CHST1: variants seen among roughly 807,000 people sequenced by gnomAD.
CHST1 encodes Keratan sulfotransferase.
CHST1 carries 10 observed loss-of-function variants against 22.5 expected under a neutral mutation model. The observed-to-expected ratio is 0.44, with a 90% confidence interval of 0.27 to 0.75. The LOEUF (loss-of-function observed/expected upper bound fraction) is 0.75, where lower values mean the gene tolerates loss of function less well. CHST1 is among the 30% of genes least tolerant of loss of function. CHST1 has a pLI of 0.15. For synonymous variants in CHST1, 267 were observed against 264.5 expected (o/e 1.01, Z -0.09); for missense variants, 439 against 576.1 (o/e 0.76, Z 2.44).
chr11:45,664,828 G>A (rs999233456), intron 1 of CHST1, among the ~76,000 whole-genome samples: 16 of 152,174 alleles, frequency 1.1e-4, no homozygotes, highest in African/African-American at 3.1e-4. Context: ...CCGCAGACCC[G>A]AGCCAGGCGG....
chr11:45,650,256 G>T lies in CHST1; in HGVS notation c.668C>A (p.Pro223Gln). The change falls in exon 4 of 4, where the codon CCG (proline) becomes CAG (glutamine). Residue 223 changes from proline (P) to glutamine (Q), a missense_variant. Coordinates refer to ENST00000308064, the MANE Select transcript of CHST1 (RefSeq NM_003654.6). ...CTGGATGACCTTGAGGTTTAATCGC[G>T]GGTCTTCCACCAGGGCGCGCAGGTC... ...VNDLRALVED[P>Q]RLNLKVIQLV... 1 of 1,607,372 alleles carries T rather than the reference G, an allele frequency of 6.2e-7. No individual in the cohort carries two copies.
rs868000177 is a variant in CHST1, at chr11:45,665,472, G to C, written c.-521C>G. ...ACCCGGGGCCGGGGCTCAGGGACCC[G>C]AGAGATGCCGGGACAGGGGCCGGGA... On this transcript the variant is annotated 5_prime_UTR_variant, in exon 1 of 4. Coordinates refer to ENST00000308064, the MANE Select transcript of CHST1 (RefSeq NM_003654.6). The surrounding 1 kb of genome is among the most constrained non-coding windows in gnomAD (Gnocchi z 4.0). 6.6e-6 allele frequency: 1 copy of C among 151,664 alleles called. No individual in the cohort carries two copies. The allele number at this position is 151,664 out of a possible 1,614,324, so 9.4% of individuals were successfully genotyped here.
chr11:45,654,722 G>A (rs1027139244), intron 1 of CHST1, among the ~76,000 whole-genome samples: 2 of 152,216 alleles, frequency 1.3e-5, no homozygotes, highest in Non-Finnish European at 2.9e-5. Flanking sequence ...GCAAACCTTG[G>A]ACACAGGAGA....
chr11:45,649,407 A>AT lies in CHST1; in HGVS notation c.*280dup, dbSNP rs1851959054. The AT allele has an allele frequency of 2.3e-6, 1 of 431,936 alleles. No homozygotes were observed. Among genetic ancestry groups the AT allele is most frequent in the African/African-American group, 2.3e-5 (1 of 42,952 alleles). The allele number at this position is 431,936 out of a possible 1,614,324, so 26.8% of individuals were successfully genotyped here. A position where few individuals can be genotyped will look rare whatever the true frequency, so the allele number is the denominator to read the frequency against. ...ATGTGTAAATGTGGTGCTTGTAAAC[A>AT]TTGTCACCGTCCGCACAGAGACCCA... is the stretch of plus-strand genomic sequence containing the variant. On this transcript the variant is annotated 3_prime_UTR_variant, in exon 4 of 4. Transcript: ENST00000308064.
chr11:45,659,637 G>A (rs1234758178), intron 1 of CHST1, among the ~76,000 whole-genome samples: 1 of 152,144 alleles, frequency 6.6e-6, no homozygotes, highest in Non-Finnish European at 1.5e-5. Context: ...GATCCCAAGT[G>A]GGTGTGGACA....
rs4148906 is a variant in CHST1 at position 45,648,527 on chromosome 11, C to CAAA, written c.*1158_*1160dup. ...GTGAAACCCCGTCTCTACTAAAATC[C>CAAA]AAAAAAAAAAAAAAATAGCCAGGTG... On this transcript the variant is annotated 3_prime_UTR_variant, in exon 4 of 4. Transcript: ENST00000308064. 1.6e-4 allele frequency among the ~76,000 whole-genome samples: 20 copies of CAAA among 128,784 alleles called. No homozygotes were observed. The highest frequency in any genetic ancestry group is 5.3e-4 in the African/African-American group (18 of 34,266). The allele number at this position is 128,784 out of a possible 152,430, so 84.5% of individuals were successfully genotyped here. A position where few individuals can be genotyped will look rare whatever the true frequency, so the allele number is the denominator to read the frequency against.
At chr11:45,661,734 G>A (rs372165933) in intron 1 of CHST1, among the ~76,000 whole-genome samples, 7 of 152,226 alleles carry the variant, frequency 4.6e-5, no homozygotes, top group African/African-American at 1.7e-4. Flanking sequence ...TCTTTAAGGA[G>A]CCTGGAGCTG....
In CHST1 at chr11:45,650,327, C is replaced by T. The variant is rs1590687120; in HGVS notation, c.597G>A (p.Glu199=). 1 of 1,603,948 alleles carries T rather than the reference C, an allele frequency of 6.2e-7. No individual in the cohort carries two copies. The highest frequency in any genetic ancestry group is 2.2e-5 in the East Asian group (1 of 44,858). ...NLTVAAEACR[E]RSHVAIKTVR... ...CCGTCTTGATGGCCACGTGGCTGCG[C>T]TCGCGGCACGCCTCGGCCGCCACGG... Residue 199 remains glutamate, a synonymous_variant, in exon 4 of 4, where the codon GAG becomes GAA. Transcript: ENST00000308064.
intron 1 of CHST1, among the ~76,000 whole-genome samples, chr11:45,653,853 G>A (rs928335926): frequency 2.0e-5 from 3 of 152,034 alleles, no homozygotes; most frequent in African/African-American, 7.3e-5. Flanking sequence ...TCAGCTCATC[G>A]CACCCTCATG....
chr11:45,649,909 C>A lies in CHST1; in HGVS notation c.1015G>T (p.Asp339Tyr). The A allele has an allele frequency of 1.2e-6, 2 of 1,612,178 alleles. No homozygotes were observed. The highest frequency in any genetic ancestry group is 1.7e-6 in the Non-Finnish European group (2 of 1,180,004). Reference sequence around the variant, plus strand: ...TATTTGTGCTTGCCCAGGGTGGGGTCGCCCCGCGTGTTGTTCTGGATCCAG... The same window carrying A: ...TATTTGTGCTTGCCCAGGGTGGGGTAGCCCCGCGTGTTGTTCTGGATCCAG... ...ARWIQNNTRG[D>Y]PTLGKHKYGT... The change falls in exon 4 of 4, where the codon GAC becomes TAC. Residue 339 changes from aspartate (D) to tyrosine (Y), a missense_variant. Transcript: ENST00000308064.
chr11:45,661,311 A>G (rs1450704327), intron 1 of CHST1, among the ~76,000 whole-genome samples: 1 of 152,268 alleles, frequency 6.6e-6, no homozygotes, highest in Non-Finnish European at 1.5e-5. Context: ...GCCAAGCCTC[A>G]GCATTGGGTC....
At chr11:45,663,957 G>C (rs942278693) in intron 1 of CHST1, among the ~76,000 whole-genome samples, 3 of 152,176 alleles carry the variant, frequency 2.0e-5, no homozygotes, top group African/African-American at 7.2e-5. Context: ...ATGATGCCTG[G>C]AAGTGTCCCC....
rs1194323980 is a variant in CHST1, at chr11:45,649,615, G to A, written c.*73C>T. The A allele has an allele frequency of 4.2e-6, 6 of 1,438,566 alleles. No homozygotes were observed. In the Admixed American group the frequency reaches 1.1e-4, roughly 27 times the overall value. The allele number at this position is 1,438,566 out of a possible 1,614,324, so 89.1% of individuals were successfully genotyped here. ...GGTGGGAGAGGGAGGGGTTAATAAG[G>A]CAACAGTTAAAAACGGTCCATTTTA... On this transcript the variant is annotated 3_prime_UTR_variant, in exon 4 of 4. Transcript: ENST00000308064.
chr11:45,658,220 T>C (rs888186389), intron 1 of CHST1, among the ~76,000 whole-genome samples: 2 of 152,210 alleles, frequency 1.3e-5, no homozygotes, highest in Non-Finnish European at 2.9e-5. Flanking sequence ...TTAACCTCTA[T>C]AGGCCTCACT....
Position 45,650,096 on chromosome 11 carries a change from G to A in CHST1, c.828C>T (p.Cys276=). 1.2e-6 allele frequency: 2 copies of A among 1,614,004 alleles called. No homozygotes were observed. Among genetic ancestry groups the A allele is most frequent in the East Asian group, 2.2e-5 (1 of 44,860 alleles). Residue 276 remains cysteine (C), a synonymous_variant, in exon 4 of 4, where the codon TGC becomes TGT. Transcript: ENST00000308064. ...TGGACACGGAGTTGGAGAAGTCCTC[G>A]CACACCGTGGTCAGCTGCGTCACGT... is the stretch of plus-strand genomic sequence containing the variant. The part of the protein sequence containing the change: ...NLDVTQLTTV[C]EDFSNSVSTG...
chr11:45,659,611 C>T lies in CHST1; in HGVS notation c.-227+5567G>A, dbSNP rs145833622. Among the ~76,000 whole-genome samples, 468 of 152,204 alleles carry T rather than the reference C, an allele frequency of 3.1e-3. 2 individuals are homozygous for T. Among genetic ancestry groups the T allele is most frequent in the African/African-American group, 0.011 (443 of 41,522 alleles). On this transcript the variant is annotated intron_variant, in intron 1 of 3. Coordinates refer to ENST00000308064, the MANE Select transcript of CHST1 (RefSeq NM_003654.6). ...AGAGGGTTTTCCCTCCCCAGCTGAA[C>T]GACAAGAATGAAAATGATCCCAAGT...
chr11:45,648,613 C>A lies in CHST1; in HGVS notation c.*1075G>T, dbSNP rs1397144105. On this transcript the variant is annotated 3_prime_UTR_variant, in exon 4 of 4. Coordinates refer to ENST00000308064, the MANE Select transcript of CHST1 (RefSeq NM_003654.6). ...GGCTGAGGCGGGAGAACTGCTTGAACCTGGGAGGCAGAGGTTGCAGTGAGC... is the reference window on the plus strand; with the variant it reads ...GGCTGAGGCGGGAGAACTGCTTGAAACTGGGAGGCAGAGGTTGCAGTGAGC... Among the ~76,000 whole-genome samples the A allele has an allele frequency of 1.3e-5, 2 of 152,010 alleles. No homozygotes were observed. The highest frequency in any genetic ancestry group is 2.9e-5 in the Non-Finnish European group (2 of 68,020).
At chr11:45,653,400 C>T (rs1590689658) in intron 1 of CHST1, among the ~76,000 whole-genome samples, 1 of 152,144 alleles carries the variant, frequency 6.6e-6, no homozygotes, top group African/African-American at 2.4e-5. Context: ...TCAACGTGAT[C>T]AGAGAAAAAC....
rs45520135 is a variant in CHST1 at position 45,655,681 on chromosome 11, C to A, written c.-226-3075G>T. On this transcript the variant is annotated intron_variant, in intron 1 of 3. Coordinates refer to ENST00000308064, the MANE Select transcript of CHST1 (RefSeq NM_003654.6). The stretch of plus-strand genomic sequence containing the variant: ...CCTCGCCTTCTCCCAGGGCCTCTCC[C>A]GCTCATCTCATGGTGCTCTGGCAGG... Among the ~76,000 whole-genome samples, 1,515 of 152,356 alleles carry A rather than the reference C, an allele frequency of 9.9e-3. 26 individuals are homozygous for A. The highest frequency in any genetic ancestry group is 0.035 in the African/African-American group (1,452 of 41,580).
Sources: gnomAD v4.1 joint callset for allele counts (sites outside exome capture counted in the v4.1 genomes callset) on GRCh38, gnomAD v4.1.1 for gene constraint, Gnocchi (gnomAD v3.1) non-coding constraint, MANE v1.5 for transcripts, NCBI Gene and HGNC (gene_info 2026-07-23, HGNC 2026-07-21) for gene names.